Variants in ADAMTS17 observed in about 807,000 individuals in gnomAD.
ADAMTS17 encodes ADAM metallopeptidase with thrombospondin type 1 motif 17.
ADAMTS17 carries 113 observed loss-of-function variants against 141.5 expected under a neutral mutation model. The ratio of observed to expected loss-of-function variants is 0.80; its 90% CI spans 0.69 to 0.93. The LOEUF (loss-of-function observed/expected upper bound fraction) is 0.93, where lower values mean the gene tolerates loss of function less well. Ranked by LOEUF, ADAMTS17 falls within the 40% of genes least tolerant of loss-of-function variation. ADAMTS17 has a pLI of 0.00. For synonymous variants in ADAMTS17, 768 were observed against 630.6 expected, an observed-to-expected ratio of 1.22 and a Z score of -3.27; for missense variants, 1,659 against 1,517.9, an observed-to-expected ratio of 1.09 and a Z score of -1.54.
intron 4 of ADAMTS17, among the ~76,000 whole-genome samples, chr15:100,272,213 T>G (rs2142038116): frequency 6.6e-6 from 1 of 152,322 alleles, no homozygotes; most frequent in East Asian, 1.9e-4. Context: ...ATATTAATTT[T>G]AGAATGGATT....
At chr15:100,329,059 C>T (rs1309867473) in intron 3 of ADAMTS17, among the ~76,000 whole-genome samples, 1 of 152,032 alleles carries the variant, frequency 6.6e-6, no homozygotes, top group Non-Finnish European at 1.5e-5. Context: ...GCCAGATGTC[C>T]CCAGGATGTC....
At chr15:99,977,400 AATTTTTTTT>A (rs1192282632) in intron 20 of ADAMTS17, among the ~76,000 whole-genome samples, 2 of 4,754 alleles carry the variant, frequency 4.2e-4, no homozygotes, top group African/African-American at 1.2e-3. Flanking sequence ...ATATATATAT[AATTTTTTTT>A]TTTTTTTTTT....
chr15:100,080,120 C>T (rs571723486), intron 15 of ADAMTS17, among the ~76,000 whole-genome samples: 4 of 144,244 alleles, frequency 2.8e-5, no homozygotes, highest in Middle Eastern at 3.5e-3. Flanking sequence ...ACACCACTCA[C>T]CATCACCCCT....
intron 20 of ADAMTS17, among the ~76,000 whole-genome samples, chr15:99,990,209 G>T (rs548291380): frequency 1.1e-3 from 161 of 151,796 alleles, no homozygotes; most frequent in African/African-American, 3.7e-3. Flanking sequence ...CTATTTTTTT[G>T]ATTTTTTTTT....
chr15:100,120,842 G>C (rs2037417057), intron 12 of ADAMTS17, among the ~76,000 whole-genome samples: 1 of 152,232 alleles, frequency 6.6e-6, no homozygotes, highest in South Asian at 2.1e-4. Flanking sequence ...CAGAAAGTAT[G>C]GTTCATTCAA....
intron 9 of ADAMTS17, among the ~76,000 whole-genome samples, chr15:100,154,878 G>A (rs1159159978): frequency 1.3e-5 from 2 of 152,168 alleles, no homozygotes; most frequent in Non-Finnish European, 2.9e-5. Context: ...GTGACCACAC[G>A]GTCACAACAC....
At chr15:100,044,518 A>G (rs181361564) in intron 18 of ADAMTS17, among the ~76,000 whole-genome samples, 1 of 152,340 alleles carries the variant, frequency 6.6e-6, no homozygotes, top group Non-Finnish European at 1.5e-5. Flanking sequence ...TTTGTAGAGT[A>G]TATCTTTGTT....
intron 15 of ADAMTS17, among the ~76,000 whole-genome samples, chr15:100,081,000 T>C (rs2034697135): frequency 1.3e-5 from 2 of 152,180 alleles, no homozygotes; most frequent in Non-Finnish European, 2.9e-5. Flanking sequence ...GTCAACTTGA[T>C]TAGATTAAAG....
intron 8 of ADAMTS17, among the ~76,000 whole-genome samples, chr15:100,157,699 C>G (rs894033153): frequency 2.0e-5 from 3 of 152,156 alleles, no homozygotes; most frequent in African/African-American, 4.8e-5. Flanking sequence ...TACCGGACAA[C>G]TCATATCCAT....
At chr15:100,324,571 G>C (rs2045842687) in intron 3 of ADAMTS17, among the ~76,000 whole-genome samples, 1 of 152,182 alleles carries the variant, frequency 6.6e-6, no homozygotes, top group Non-Finnish European at 1.5e-5. Flanking sequence ...AGTCCGGAGG[G>C]TCAGTGAGAA....
intron 4 of ADAMTS17, among the ~76,000 whole-genome samples, chr15:100,279,745 T>C (rs753589107): frequency 1.6e-4 from 24 of 152,198 alleles, no homozygotes; most frequent in Non-Finnish European, 3.4e-4. Flanking sequence ...AAGTTCCCCT[T>C]GACCCAGATT....
chr15:100,200,470 G>GA (rs150552893), intron 7 of ADAMTS17, among the ~76,000 whole-genome samples: 3,055 of 152,188 alleles, frequency 0.02, 108 homozygotes, highest in African/African-American at 0.069. Context: ...CCGCACCCAG[G>GA]AAAGACATGT....
chr15:100,014,332 C>G (rs376782487), intron 18 of ADAMTS17, among the ~76,000 whole-genome samples: 5 of 152,010 alleles, frequency 3.3e-5, no homozygotes, highest in African/African-American at 1.2e-4. Flanking sequence ...TTTCAAAGAA[C>G]CAGCTTTTTG....
chr15:100,021,057 G>A (rs2061398695), intron 18 of ADAMTS17, among the ~76,000 whole-genome samples: 1 of 152,106 alleles, frequency 6.6e-6, no homozygotes, highest in African/African-American at 2.4e-5. Context: ...TCCCTCTCAT[G>A]GCTCACTTAC....
At chr15:100,156,778 G>A (rs576116381) in intron 8 of ADAMTS17, among the ~76,000 whole-genome samples, 1 of 152,246 alleles carries the variant, frequency 6.6e-6, no homozygotes, top group African/African-American at 2.4e-5. Flanking sequence ...CTGCTCCAAG[G>A]CTGCTTCACA....
rs1178415865 is a variant in ADAMTS17 at position 100,281,209 on chromosome 15, G to C, written c.789+20C>G. On this transcript the variant is annotated intron_variant, in intron 4 of 21. Transcript: ENST00000268070. Reference sequence around the variant, plus strand: ...GAGAAAACAGAGCCCCCCACATCAGGACCCCGGCTCCGGACTCACCATGTT... The same window carrying C: ...GAGAAAACAGAGCCCCCCACATCAGCACCCCGGCTCCGGACTCACCATGTT... 2 of 1,601,458 alleles carry C rather than the reference G, an allele frequency of 1.2e-6. No individual in the cohort carries two copies. Among genetic ancestry groups the C allele is most frequent in the South Asian group, 1.1e-5 (1 of 90,996 alleles).
chr15:100,070,952 G>A (rs1428993836), intron 15 of ADAMTS17, among the ~76,000 whole-genome samples: 2 of 150,130 alleles, frequency 1.3e-5, no homozygotes, highest in African/African-American at 2.5e-5. Context: ...ATGAATCCAG[G>A]AGATGGATTT....
At chr15:100,243,803 AGAAAG>A (rs2042902431) in intron 7 of ADAMTS17, among the ~76,000 whole-genome samples, 2 of 134,726 alleles carry the variant, frequency 1.5e-5, no homozygotes, top group East Asian at 2.3e-4. Context: ...AAAAAAAAAA[AGAAAG>A]AAAAGAAAAA....
Position 100,116,702 on chromosome 15 carries a change from G to A in ADAMTS17, c.1888+145C>T, listed in dbSNP as rs541416520. Reference sequence around the variant, plus strand: ...GGTCAACCCCACAACTTACAAAGTTGGGCCGCAGCTGAGCTGGGCAGAGGA... The same window carrying A: ...GGTCAACCCCACAACTTACAAAGTTAGGCCGCAGCTGAGCTGGGCAGAGGA... On this transcript the variant is annotated intron_variant, in intron 13 of 21. Transcript: ENST00000268070. 36 of 1,091,938 alleles carry A rather than the reference G, an allele frequency of 3.3e-5. No individual in the cohort carries two copies. In the African/African-American group the frequency reaches 5.6e-4, roughly 17 times the overall value. 67.6% of individuals were successfully genotyped at this position (1,091,938 alleles called of 1,614,324 possible).
Sources: allele counts gnomAD v4.1 joint callset (sites outside exome capture counted in the v4.1 genomes callset), GRCh38; gene constraint gnomAD v4.1.1; transcripts MANE v1.5; gene names NCBI Gene and HGNC (gene_info 2026-07-23, HGNC 2026-07-21).